COG5: variants seen among roughly 807,000 people sequenced by gnomAD.
COG5 encodes conserved oligomeric Golgi complex subunit 5.
COG5 carries 86 observed loss-of-function variants against 110.4 expected under a neutral mutation model. The ratio of observed to expected loss-of-function variants is 0.78; its 90% confidence interval spans 0.65 to 0.93. The LOEUF is 0.93. Ranked by LOEUF, COG5 falls within the 40% of genes least tolerant of loss-of-function variation. The probability of loss-of-function intolerance (pLI) is 0.00; values close to 1 mark genes in which losing one functional copy is unlikely to be tolerated. For missense variants in COG5, 1,077 were observed against 987.0 expected (o/e 1.09, Z -1.22); for synonymous variants, 360 against 334.6 (o/e 1.08, Z -0.83).
At chr7:107,368,933 T>C (rs985755983) in intron 8 of COG5, among the ~76,000 whole-genome samples, 2 of 152,208 alleles carry the variant, frequency 1.3e-5, no homozygotes, top group Non-Finnish European at 2.9e-5. Flanking sequence ...CTCATTTCCC[T>C]TGCTCTCTCA....
At chr7:107,507,018 C>T (rs1271354767) in intron 6 of COG5, among the ~76,000 whole-genome samples, 3 of 152,320 alleles carry the variant, frequency 2.0e-5, no homozygotes, top group African/African-American at 4.8e-5. Flanking sequence ...CTCCCACTGC[C>T]GTTCCTACTT....
chr7:107,224,082 T>C (rs1433682934), intron 19 of COG5, among the ~76,000 whole-genome samples: 2 of 152,188 alleles, frequency 1.3e-5, no homozygotes, highest in African/African-American at 2.4e-5. Context: ...GCTGTAACAC[T>C]GAAATCTGAA....
chr7:107,501,407 T>C (rs1798624279), intron 6 of COG5, among the ~76,000 whole-genome samples: 1 of 152,028 alleles, frequency 6.6e-6, no homozygotes, highest in South Asian at 2.1e-4. Flanking sequence ...CAAGGGGTGA[T>C]AGCAAGGTAA....
rs1802592284 is a variant in COG5, at chr7:107,548,152, T to G, written c.376A>C (p.Asn126His). The change falls in exon 5 of 22, where the codon AAT (asparagine) becomes CAT (histidine). Residue 126 changes from asparagine (N) to histidine (H), a missense_variant. Asn to His is a moderately conservative substitution (Grantham distance 68, BLOSUM62 1). Transcript: ENST00000297135. Reference sequence around the variant, plus strand: ...TGTGCAGTCCGGGCAACTATCTTATTGTATGGTTCAACAATTTTTGCTTTT... The same window carrying G: ...TGTGCAGTCCGGGCAACTATCTTATGGTATGGTTCAACAATTTTTGCTTTT... ...RIKAKIVEPY[N>H]KIVARTAQLA... 1.2e-6 allele frequency: 2 copies of G among 1,614,000 alleles called. No individual in the cohort carries two copies. The highest frequency in any genetic ancestry group is 8.5e-7 in the Non-Finnish European group (1 of 1,179,908).
At chr7:107,354,484 CCTACCCA>C (rs1562985095) in intron 10 of COG5, among the ~76,000 whole-genome samples, 104 of 152,280 alleles carry the variant, frequency 6.8e-4, no homozygotes, top group Non-Finnish European at 1.4e-3. Context: ...CGAGACCAGT[CCTACCCA>C]TATGGTGAAA....
intron 10 of COG5, among the ~76,000 whole-genome samples, chr7:107,332,621 G>C (rs1453611044): frequency 6.6e-6 from 1 of 152,112 alleles, no homozygotes; most frequent in African/African-American, 2.4e-5. Context: ...TCTGAGAAGT[G>C]GGCAGAAGGA....
intron 6 of COG5, among the ~76,000 whole-genome samples, chr7:107,427,516 A>G (rs1478961351): frequency 6.6e-6 from 1 of 152,068 alleles, no homozygotes; most frequent in Non-Finnish European, 1.5e-5. Context: ...CTTAACCCTC[A>G]GTACCTGTAA....
At position 107,438,996 on chromosome 7, in the gene COG5, G is replaced by A. The variant is rs537919569; in HGVS notation, c.539-26364C>T. On this transcript the variant is annotated intron_variant, in intron 6 of 21. Coordinates refer to ENST00000297135, the MANE Select transcript of COG5 (RefSeq NM_006348.5). Reference sequence around the variant, plus strand: ...TCCCTCCACCCTCTTCAAAACTCCAGCTTTGAATCTCATATCATCAAACTA... The same window carrying A: ...TCCCTCCACCCTCTTCAAAACTCCAACTTTGAATCTCATATCATCAAACTA... 3.9e-5 allele frequency among the ~76,000 whole-genome samples: 6 copies of A among 152,100 alleles called. No individual in the cohort carries two copies. In the South Asian group the frequency reaches 8.3e-4, roughly 21 times the overall value.
intron 14 of COG5, among the ~76,000 whole-genome samples, chr7:107,274,402 C>T (rs1804526944): frequency 6.6e-6 from 1 of 152,090 alleles, no homozygotes; most frequent in African/African-American, 2.4e-5. Context: ...TAATTCATCC[C>T]ACTCTTCACC....
chr7:107,304,363 C>G (rs117727557), intron 11 of COG5, among the ~76,000 whole-genome samples: 1 of 152,124 alleles, frequency 6.6e-6, no homozygotes, highest in Non-Finnish European at 1.5e-5. Context: ...TATTGACTGT[C>G]CTTCCCCTTT....
intron 5 of COG5, among the ~76,000 whole-genome samples, chr7:107,528,237 G>T (rs367548969): frequency 6.6e-6 from 1 of 151,910 alleles, no homozygotes; most frequent in Admixed American, 6.6e-5. Context: ...GACTACAGGC[G>T]TGTGCCACCA....
At chr7:107,420,131 A>C (rs924882768) in intron 6 of COG5, among the ~76,000 whole-genome samples, 4 of 152,242 alleles carry the variant, frequency 2.6e-5, no homozygotes, top group Non-Finnish European at 5.9e-5. Flanking sequence ...ATTACATGAT[A>C]GAAAGAATAC....
intron 14 of COG5, among the ~76,000 whole-genome samples, chr7:107,258,991 A>C (rs947996880): frequency 3.3e-5 from 5 of 152,202 alleles, no homozygotes; most frequent in Non-Finnish European, 5.9e-5. Context: ...AAAAAAGCCC[A>C]AAATTATACT....
chr7:107,559,828 G>C (rs1803632552), intron 1 of COG5, among the ~76,000 whole-genome samples: 1 of 152,200 alleles, frequency 6.6e-6, no homozygotes, highest in Admixed American at 6.5e-5. Flanking sequence ...GGCATATTTT[G>C]AGAAACAAGG....
chr7:107,528,277 T>TGA (rs2129157727), intron 5 of COG5, among the ~76,000 whole-genome samples: 1 of 152,102 alleles, frequency 6.6e-6, no homozygotes, highest in Admixed American at 6.5e-5. Flanking sequence ...TTTGTGGAGA[T>TGA]GAGGTTTTGC....
rs147659569 is a variant in COG5 at position 107,233,686 on chromosome 7, T to G, written c.2091+2764A>C. On this transcript the variant is annotated intron_variant, in intron 18 of 21. Coordinates refer to ENST00000297135, the MANE Select transcript of COG5 (RefSeq NM_006348.5). ...AGTTTTTAAACCCATGGAGTATTTG[T>G]GTATTTTTGATTTCAGTGACCTCAA... 2.2e-4 allele frequency among the ~76,000 whole-genome samples: 34 copies of G among 152,314 alleles called. No individual in the cohort carries two copies. The East Asian group carries it at 2.5e-3, about 11-fold the overall frequency.
chr7:107,498,234 C>T (rs1030573319), intron 6 of COG5, among the ~76,000 whole-genome samples: 1 of 152,138 alleles, frequency 6.6e-6, no homozygotes, highest in African/African-American at 2.4e-5. Flanking sequence ...AATGATTTCA[C>T]AGATGTGACC....
At chr7:107,559,909 T>G (rs1456140644) in intron 1 of COG5, among the ~76,000 whole-genome samples, 1 of 152,242 alleles carries the variant, frequency 6.6e-6, no homozygotes, top group Non-Finnish European at 1.5e-5. Flanking sequence ...GAATGACAGA[T>G]GTGGTTCCAA....
At chr7:107,411,679 T>A (rs930635817) in intron 7 of COG5, among the ~76,000 whole-genome samples, 2 of 152,172 alleles carry the variant, frequency 1.3e-5, no homozygotes, top group African/African-American at 4.8e-5. Flanking sequence ...AGTTATATTT[T>A]AAAAATTACA....
Sources: allele counts gnomAD v4.1 joint callset (sites outside exome capture counted in the v4.1 genomes callset), GRCh38; gene constraint gnomAD v4.1.1; transcripts MANE v1.5; gene names NCBI Gene and HGNC (gene_info 2026-07-23, HGNC 2026-07-21).